Variants in KAZN observed in about 807,000 individuals in gnomAD.
The protein encoded by KAZN is kazrin, periplakin interacting protein.
Under a neutral mutation model 87.4 loss-of-function variants are expected in KAZN, and 40 were observed. The ratio of observed to expected loss-of-function variants is 0.46; its 90% CI spans 0.36 to 0.60. The LOEUF (loss-of-function observed/expected upper bound fraction) is 0.60, where lower values mean the gene tolerates loss of function less well. Ranked by LOEUF, KAZN falls within the 20% of genes least tolerant of loss-of-function variation. KAZN has a pLI of 0.00. For missense variants in KAZN, 898 were observed against 1,073.9 expected (o/e 0.84, Z 2.29); for synonymous variants, 466 against 458.3 (o/e 1.02, Z -0.22).
intron 2 of KAZN, among the ~76,000 whole-genome samples, chr1:14,420,883 T>TCCCTCCACACCTCCCCCCCACACCTC (rs1665368910): frequency 6.8e-6 from 1 of 146,920 alleles, no homozygotes; most frequent in Non-Finnish European, 1.5e-5. Flanking sequence ...CCCGCACCTC[T>TCCCTCCACACCTCCCCCCCACACCTC]CCCTCCACAC....
At chr1:14,637,774 T>C (rs1373323430) in intron 1 of KAZN, among the ~76,000 whole-genome samples, 2 of 151,734 alleles carry the variant, frequency 1.3e-5, no homozygotes, top group Non-Finnish European at 2.9e-5. Flanking sequence ...GATGTACATA[T>C]ATATGTGTGT....
At chr1:14,578,043 T>C (rs578133688) in intron 2 of KAZN, among the ~76,000 whole-genome samples, 1 of 152,214 alleles carries the variant, frequency 6.6e-6, no homozygotes, top group African/African-American at 2.4e-5. Context: ...ACCCGTACAC[T>C]GAGGATAATA....
chr1:13,919,303 A>G (rs1316909021), intron 1 of KAZN, among the ~76,000 whole-genome samples: 1 of 152,224 alleles, frequency 6.6e-6, no homozygotes, highest in Non-Finnish European at 1.5e-5. Flanking sequence ...GAATGGAATC[A>G]TAGAATATGC....
chr1:14,807,948 C>T (rs1020438612), intron 1 of KAZN, among the ~76,000 whole-genome samples: 4 of 152,142 alleles, frequency 2.6e-5, no homozygotes, highest in African/African-American at 9.7e-5. Flanking sequence ...CAGAGCAGAT[C>T]ATATGCCTTC....
chr1:14,813,459 G>A (rs1177814600), intron 1 of KAZN, among the ~76,000 whole-genome samples: 1 of 152,148 alleles, frequency 6.6e-6, no homozygotes, highest in East Asian at 1.9e-4. Context: ...TGAGCTTCCA[G>A]CTGAAGCCAG....
intron 1 of KAZN, among the ~76,000 whole-genome samples, chr1:14,847,600 T>C (rs1648937308): frequency 6.6e-6 from 1 of 152,222 alleles, no homozygotes; most frequent in Non-Finnish European, 1.5e-5. Context: ...TGTATGTCTT[T>C]ACCCATCAGC....
chr1:14,810,573 C>A (rs1646375597), intron 1 of KAZN, among the ~76,000 whole-genome samples: 1 of 152,142 alleles, frequency 6.6e-6, no homozygotes, highest in South Asian at 2.1e-4. Context: ...ATGGACATGA[C>A]CCCCTCCCAC....
At chr1:14,233,972 A>G (rs1448130360) in intron 2 of KAZN, among the ~76,000 whole-genome samples, 3 of 152,342 alleles carry the variant, frequency 2.0e-5, no homozygotes, top group Middle Eastern at 3.4e-3. Flanking sequence ...TAGTTCAACC[A>G]TTGTGCAAGA....
At position 15,114,594 on chromosome 1, in the gene KAZN, C is replaced by T. The variant is rs12048768; in HGVS notation, c.2287C>T (p.Arg763Cys). The T allele has an allele frequency of 0.011, 17,147 of 1,599,920 alleles. 756 individuals are homozygous for T. In the East Asian group the frequency reaches 0.14, roughly 13 times the overall value. ...DDPQSRLEQC[R>C]LEGYNSLEVT... ...CCCCCAGAGCAGGCTGGAACAGTGC[C>T]GTCTGGAAGGCTACAACAGCCTGGA... The change falls in exon 15 of 15, where the codon CGT (arginine) becomes TGT (cysteine). Residue 763 changes from arginine to cysteine, a missense_variant. Coordinates refer to ENST00000376030, the MANE Select transcript of KAZN (RefSeq NM_201628.3).
chr1:14,555,740 C>A (rs539315031), intron 2 of KAZN, among the ~76,000 whole-genome samples: 20 of 152,288 alleles, frequency 1.3e-4, no homozygotes, highest in African/African-American at 4.8e-4. Flanking sequence ...TGTTTGCTAG[C>A]CATTCCTGAG....
chr1:14,148,609 T>A (rs1645402977), intron 1 of KAZN, among the ~76,000 whole-genome samples: 1 of 152,216 alleles, frequency 6.6e-6, no homozygotes, highest in South Asian at 2.1e-4. Flanking sequence ...AAAGCCATAT[T>A]TTTGTTTTGT....
At chr1:14,406,563 G>A (rs1423851621) in intron 2 of KAZN, among the ~76,000 whole-genome samples, 1 of 151,978 alleles carries the variant, frequency 6.6e-6, no homozygotes, top group African/African-American at 2.4e-5. Flanking sequence ...GGGGGGTGAG[G>A]GATAAAAGAC....
chr1:14,380,661 T>C (rs982044618), intron 2 of KAZN, among the ~76,000 whole-genome samples: 3 of 151,754 alleles, frequency 2.0e-5, no homozygotes, highest in African/African-American at 7.3e-5. Flanking sequence ...CATTTGAAAA[T>C]ACACAGTCAG....
intron 2 of KAZN, among the ~76,000 whole-genome samples, chr1:14,547,365 A>C (rs896732843): frequency 6.6e-6 from 1 of 152,212 alleles, no homozygotes; most frequent in Non-Finnish European, 1.5e-5. Context: ...TAAGGCCTGA[A>C]TTCTAGTCTT....
At chr1:14,102,521 G>A (rs1481443566) in intron 1 of KAZN, among the ~76,000 whole-genome samples, 1 of 152,014 alleles carries the variant, frequency 6.6e-6, no homozygotes, top group Admixed American at 6.6e-5. Context: ...GTTTTGGTTT[G>A]TAAACTGCTG....
chr1:14,961,583 A>G (rs1663873399), intron 2 of KAZN, among the ~76,000 whole-genome samples: 1 of 152,168 alleles, frequency 6.6e-6, no homozygotes, highest in South Asian at 2.1e-4. Flanking sequence ...GCCATCATGT[A>G]ACCTGTCAGT....
At chr1:13,921,100 T>C (rs1272517485) in intron 1 of KAZN, among the ~76,000 whole-genome samples, 1 of 152,216 alleles carries the variant, frequency 6.6e-6, no homozygotes, top group Admixed American at 6.5e-5. Flanking sequence ...ATGACTGATA[T>C]TGAAAAAGAT....
At chr1:14,172,650 T>C (rs934335119) in intron 1 of KAZN, among the ~76,000 whole-genome samples, 1 of 152,194 alleles carries the variant, frequency 6.6e-6, no homozygotes, top group African/African-American at 2.4e-5. Flanking sequence ...GGAATTTGGG[T>C]ATTGCACAGG....
intron 2 of KAZN, among the ~76,000 whole-genome samples, chr1:14,492,221 A>G (rs1459814232): frequency 2.0e-5 from 3 of 152,072 alleles, no homozygotes; most frequent in African/African-American, 7.2e-5. Flanking sequence ...AGTGAATCTG[A>G]GTCTTGGAGA....
Sources: allele counts gnomAD v4.1 joint callset (sites outside exome capture counted in the v4.1 genomes callset), GRCh38; gene constraint gnomAD v4.1.1; transcripts MANE v1.5; gene names NCBI Gene and HGNC (gene_info 2026-07-23, HGNC 2026-07-21).